The following VPS13D variants were observed in gnomAD, a reference collection of about 807,000 sequenced individuals.
VPS13D encodes intermembrane lipid transfer protein VPS13D.
A neutral mutation model predicts 461.9 loss-of-function variants in VPS13D; 187 were observed. That is an observed-to-expected ratio of 0.40 (90% CI 0.36 to 0.46). VPS13D has a LOEUF of 0.46. VPS13D is among the 20% of genes least tolerant of loss of function. VPS13D has a pLI of 0.60. For synonymous variants in VPS13D, 1,951 were observed against 1,986.3 expected (o/e 0.98, Z 0.47); for missense variants, 4,711 against 5,364.9 (o/e 0.88, Z 3.81).
At position 12,295,907 on chromosome 1, in the gene VPS13D, C is replaced by T. The variant is rs192652338; in HGVS notation, c.6033+2203C>T. ...AAATTAAAAAGAAAAAATTTCTAAA[C>T]GGTATCTTTTGCTTTGCTTGTGATC... On this transcript the variant is annotated intron_variant, in intron 24 of 69. Transcript: ENST00000620676. Among the ~76,000 whole-genome samples, 245 of 152,214 alleles carry T rather than the reference C, an allele frequency of 1.6e-3. 4 individuals carry two copies. The highest frequency in any genetic ancestry group is 5.2e-3 in the African/African-American group (214 of 41,542).
At chr1:12,421,007 C>T (rs562919670) in intron 65 of VPS13D, among the ~76,000 whole-genome samples, 7 of 152,256 alleles carry the variant, frequency 4.6e-5, no homozygotes, top group African/African-American at 1.7e-4. Context: ...CCCCCCAGAG[C>T]GTTCCTGCAA....
intron 67 of VPS13D, among the ~76,000 whole-genome samples, chr1:12,472,305 C>G (rs1252722793): frequency 6.6e-6 from 1 of 152,180 alleles, no homozygotes; most frequent in Non-Finnish European, 1.5e-5. Flanking sequence ...AAGTGGGGAC[C>G]TGCTGACTCT....
chr1:12,403,723 C>T, intron 62 of VPS13D, 102 bp from the exon 63 acceptor site: 1 of 1,171,078 alleles, frequency 8.5e-7, no homozygotes, highest in South Asian at 1.7e-5. Context: ...TAGATGGTTT[C>T]CTTTTTTTGA....
intron 46 of VPS13D, among the ~76,000 whole-genome samples, chr1:12,352,625 A>G (rs1237345707): frequency 6.6e-6 from 1 of 152,222 alleles, no homozygotes; most frequent in Non-Finnish European, 1.5e-5. Flanking sequence ...GTAGGAGTGT[A>G]AAATGGTATA....
intron 40 of VPS13D, among the ~76,000 whole-genome samples, chr1:12,339,868 G>A (rs1181836521): frequency 2.0e-5 from 3 of 152,102 alleles, no homozygotes; most frequent in Admixed American, 6.5e-5. Flanking sequence ...GTATGGATTC[G>A]CAGCACTTTA....
intron 20 of VPS13D, among the ~76,000 whole-genome samples, chr1:12,281,093 G>C (rs1641766104): frequency 6.7e-6 from 1 of 149,654 alleles, no homozygotes; most frequent in South Asian, 2.1e-4. Context: ...AATATTTTAA[G>C]GTAAATCCCA....
At chr1:12,303,424 G>A (rs1238829246) in intron 25 of VPS13D, among the ~76,000 whole-genome samples, 1 of 152,190 alleles carries the variant, frequency 6.6e-6, no homozygotes, top group Non-Finnish European at 1.5e-5. Context: ...CTACAGAGAG[G>A]ATGTAGAGAT....
chr1:12,312,056 G>GATACGGC, intron 29 of VPS13D, 131 bp downstream of exon 29: 4 of 558,468 alleles, frequency 7.2e-6, no homozygotes, highest in Non-Finnish European at 2.9e-6. Context: ...AGTGTCTTTT[G>GATACGGC]GTTGATCTAC....
chr1:12,511,211 G>C lies in VPS13D; in HGVS notation c.*2187G>C, dbSNP rs1467811022. On this transcript the variant is annotated 3_prime_UTR_variant, in exon 70 of 70. Transcript: ENST00000620676. The surrounding 1 kb of genome is among the most constrained non-coding windows in gnomAD (Gnocchi z 4.5). ...CTCTTTAAATAGCTGCCCATCTCCT[G>C]TGATTGCACAACCAAGCACTTTGAC... The C allele has an allele frequency of 1.3e-5, 2 of 151,732 alleles. No individual in the cohort carries two copies. The highest frequency in any genetic ancestry group is 2.9e-5 in the Non-Finnish European group (2 of 67,928). 9.4% of individuals were successfully genotyped at this position (151,732 alleles called of 1,614,324 possible).
intron 22 of VPS13D, 101 bp from the exon 23 acceptor site, chr1:12,290,897 A>G: frequency 8.6e-7 from 1 of 1,168,870 alleles, no homozygotes; most frequent in Non-Finnish European, 1.1e-6. Flanking sequence ...TACAAAGTGA[A>G]AAGTCTGAGG....
At chr1:12,287,539 CTT>C (rs1256531222) in intron 21 of VPS13D, among the ~76,000 whole-genome samples, 5 of 152,196 alleles carry the variant, frequency 3.3e-5, no homozygotes. Flanking sequence ...CCTTCCTTCT[CTT>C]CCATCAGTGT....
At chr1:12,381,968 TTCTTTCTTTCTTTCTC>T (rs1557745615) in intron 57 of VPS13D, among the ~76,000 whole-genome samples, 4 of 141,656 alleles carry the variant, frequency 2.8e-5, no homozygotes, top group African/African-American at 8.2e-5. Context: ...CTTTCTTTCT[TTCTTTCTTTCTTTCTC>T]TCTCTCTCTC....
intron 67 of VPS13D, among the ~76,000 whole-genome samples, chr1:12,466,347 AT>A (rs1263235650): frequency 2.0e-5 from 3 of 152,210 alleles, no homozygotes; most frequent in Non-Finnish European, 4.4e-5. Context: ...TCAAATGTTT[AT>A]TAGGATATAC....
intron 5 of VPS13D, 136 bp downstream of exon 5, chr1:12,244,753 T>G: frequency 4.0e-6 from 3 of 758,390 alleles, no homozygotes; most frequent in Non-Finnish European, 6.4e-6. Flanking sequence ...TGCTCAGGTC[T>G]GCCCTTTTGT....
At chr1:12,309,959 T>C (rs969494725) in intron 27 of VPS13D, among the ~76,000 whole-genome samples, 2 of 152,210 alleles carry the variant, frequency 1.3e-5, no homozygotes, top group Admixed American at 6.5e-5. Context: ...TCTTACGTGT[T>C]ATTCAAGTGC....
chr1:12,321,109 C>G (rs1047929233), intron 32 of VPS13D, among the ~76,000 whole-genome samples: 4 of 152,158 alleles, frequency 2.6e-5, no homozygotes, highest in Non-Finnish European at 4.4e-5. Flanking sequence ...AGTCCTTTCT[C>G]TCTCTCTCCC....
At chr1:12,302,544 A>G (rs144257800) in intron 25 of VPS13D, among the ~76,000 whole-genome samples, 1 of 152,254 alleles carries the variant, frequency 6.6e-6, no homozygotes, top group Non-Finnish European at 1.5e-5. Flanking sequence ...AATGAAAAAA[A>G]TTTCCCTGTA....
chr1:12,369,051 TG>T (rs1347964932), intron 53 of VPS13D, among the ~76,000 whole-genome samples: 2 of 152,246 alleles, frequency 1.3e-5, no homozygotes, highest in Non-Finnish European at 2.9e-5. Context: ...TTATATGTGA[TG>T]ATCTGTAGCC....
Position 12,253,827 on chromosome 1 carries a change from G to C in VPS13D, c.669+1G>C. 1 of 1,613,202 alleles carries C rather than the reference G, an allele frequency of 6.2e-7. No homozygotes were observed. The highest frequency in any genetic ancestry group is 1.3e-5 in the African/African-American group (1 of 75,014). ...GGATTTGCCTCAGATGGAGTTACAG[G>C]TACGATTTCGGCAGGGAGATTTGTT... On this transcript the variant is annotated splice_donor_variant, in intron 7 of 69. Coordinates refer to ENST00000620676, the MANE Select transcript of VPS13D (RefSeq NM_015378.4). LOFTEE classifies it high-confidence loss of function.
Sources: gnomAD v4.1 joint callset for allele counts (sites outside exome capture counted in the v4.1 genomes callset) on GRCh38, gnomAD v4.1.1 for gene constraint, Gnocchi (gnomAD v3.1) non-coding constraint, MANE v1.5 for transcripts, NCBI Gene and HGNC (gene_info 2026-07-23, HGNC 2026-07-21) for gene names.